The following RBFOX1 variants were observed in gnomAD, a reference collection of about 807,000 sequenced individuals.
RBFOX1 encodes the protein RNA binding protein fox-1 homolog 1.
RBFOX1 carries 8 observed loss-of-function variants against 57.7 expected under a neutral mutation model. The ratio of observed to expected loss-of-function variants is 0.14; its 90% CI spans 0.08 to 0.25. RBFOX1 has a LOEUF of 0.25. Among genes scored for constraint, RBFOX1 ranks in the 10% least tolerant of loss-of-function variants. The probability of loss-of-function intolerance (pLI) is 1.00; values close to 1 mark genes in which losing one functional copy is unlikely to be tolerated. For synonymous variants in RBFOX1, 326 were observed against 222.4 expected (o/e 1.47, Z -4.15); for missense variants, 611 against 548.5 (o/e 1.11, Z -1.14).
chr16:7,148,944 A>G (rs554073258), intron 4 of RBFOX1, among the ~76,000 whole-genome samples: 1 of 152,330 alleles, frequency 6.6e-6, no homozygotes, highest in Admixed American at 6.5e-5. Flanking sequence ...GATGCATTTC[A>G]TTTCAAGAAG....
At chr16:5,986,074 G>A (rs56849965) in intron 4 of RBFOX1, among the ~76,000 whole-genome samples, 2 of 103,838 alleles carry the variant, frequency 1.9e-5, no homozygotes, top group Non-Finnish European at 4.1e-5. Flanking sequence ...TTTTTTTTTT[G>A]TTTTCCAGAC....
intron 3 of RBFOX1, among the ~76,000 whole-genome samples, chr16:7,023,867 T>G (rs2040086368): frequency 6.6e-6 from 1 of 152,046 alleles, no homozygotes; most frequent in Non-Finnish European, 1.5e-5. Context: ...CTATATATAT[T>G]TCCCACAGGA....
intron 4 of RBFOX1, among the ~76,000 whole-genome samples, chr16:7,447,462 A>G (rs910340918): frequency 1.7e-4 from 25 of 149,358 alleles, no homozygotes; most frequent in Non-Finnish European, 2.5e-4. Flanking sequence ...AGAGATTCCA[A>G]TGAGATTCAA....
At chr16:5,763,476 C>T (rs1247923258) in intron 3 of RBFOX1, among the ~76,000 whole-genome samples, 1 of 152,240 alleles carries the variant, frequency 6.6e-6, no homozygotes, top group Non-Finnish European at 1.5e-5. Context: ...AGAAAAGCCC[C>T]TGGCCCAGGA....
chr16:5,711,069 A>T (rs1319555383), intron 3 of RBFOX1, among the ~76,000 whole-genome samples: 1 of 152,194 alleles, frequency 6.6e-6, no homozygotes, highest in Non-Finnish European at 1.5e-5. Context: ...GGAAGGGGAG[A>T]GAGTGAATAA....
At chr16:5,248,228 C>T (rs1488350386) in intron 1 of RBFOX1, among the ~76,000 whole-genome samples, 1 of 152,170 alleles carries the variant, frequency 6.6e-6, no homozygotes, top group African/African-American at 2.4e-5. Context: ...TTAACATTTC[C>T]CCCAAGTTTT....
At chr16:5,285,382 A>G (rs551775360) in intron 1 of RBFOX1, among the ~76,000 whole-genome samples, 26 of 152,040 alleles carry the variant, frequency 1.7e-4, no homozygotes, top group African/African-American at 5.8e-4. Flanking sequence ...TGTATTCATT[A>G]TCTGTGTTCT....
rs371277077 is a variant in RBFOX1 at position 6,049,357 on chromosome 16, A to T, written c.-127+29365A>T. Among the ~76,000 whole-genome samples, 6 of 152,264 alleles carry T rather than the reference A, an allele frequency of 3.9e-5. No individual in the cohort carries two copies. In the South Asian group the frequency reaches 1.0e-3, roughly 26 times the overall value. On this transcript the variant is annotated intron_variant, in intron 1 of 15. Coordinates refer to ENST00000550418, the MANE Select transcript of RBFOX1 (RefSeq NM_018723.4). ...AAAATTCTTTATTAAATAAAACTTA[A>T]AGCATATTTAAAAGTAGAGAGAATA...
At chr16:6,121,645 T>C (rs1251722799) in intron 1 of RBFOX1, among the ~76,000 whole-genome samples, 1 of 152,176 alleles carries the variant, frequency 6.6e-6, no homozygotes, top group Admixed American at 6.5e-5. Context: ...GGACATCTGT[T>C]CCTCTGGGAG....
chr16:6,378,608 C>A (rs2091465527), intron 2 of RBFOX1, among the ~76,000 whole-genome samples: 1 of 152,128 alleles, frequency 6.6e-6, no homozygotes, highest in South Asian at 2.1e-4. Flanking sequence ...GTCTCAGGGC[C>A]TTTGCAATGT....
intron 1 of RBFOX1, among the ~76,000 whole-genome samples, chr16:6,098,235 A>C (rs2096267469): frequency 6.6e-6 from 1 of 152,170 alleles, no homozygotes; most frequent in South Asian, 2.1e-4. Context: ...TTTATTTCAC[A>C]GATGGAGAGG....
chr16:7,706,887 C>G (rs2082625580), intron 14 of RBFOX1, among the ~76,000 whole-genome samples: 1 of 152,168 alleles, frequency 6.6e-6, no homozygotes, highest in African/African-American at 2.4e-5. Context: ...CAGGAGTGAG[C>G]TCTCTGAATA....
At chr16:5,705,086 T>C (rs575177345) in intron 3 of RBFOX1, among the ~76,000 whole-genome samples, 9 of 152,256 alleles carry the variant, frequency 5.9e-5, no homozygotes, top group East Asian at 5.8e-4. Context: ...TTGTATGTCA[T>C]TGAGGAGTAG....
intron 1 of RBFOX1, among the ~76,000 whole-genome samples, chr16:6,109,710 T>G (rs529394615): frequency 6.6e-6 from 1 of 152,292 alleles, no homozygotes; most frequent in African/African-American, 2.4e-5. Flanking sequence ...ATTACTTGAC[T>G]GGGGATAGTA....
Position 7,298,569 on chromosome 16 carries a change from G to A in RBFOX1, c.28-219578G>A, listed in dbSNP as rs534637473. Among the ~76,000 whole-genome samples the A allele has an allele frequency of 5.9e-5, 9 of 152,260 alleles. No homozygotes were observed. In the South Asian group the frequency reaches 1.9e-3, roughly 32 times the overall value. On this transcript the variant is annotated intron_variant, in intron 4 of 15. Transcript: ENST00000550418. Reference sequence around the variant, plus strand: ...GGCCTCCCAAAGTGCCGGGATTACAGGCATGAGCCAACATGCCCAGCCCAA... The same window carrying A: ...GGCCTCCCAAAGTGCCGGGATTACAAGCATGAGCCAACATGCCCAGCCCAA...
intron 4 of RBFOX1, among the ~76,000 whole-genome samples, chr16:5,895,423 ACT>A (rs1369692963): frequency 6.6e-6 from 1 of 152,144 alleles, no homozygotes; most frequent in Non-Finnish European, 1.5e-5. Context: ...TCATGGCTGG[ACT>A]CTCTAGTGAA....
chr16:5,424,981 TTC>T (rs373826926), intron 1 of RBFOX1, among the ~76,000 whole-genome samples: 6,360 of 35,860 alleles, frequency 0.18, 818 homozygotes, highest in East Asian at 0.28. Flanking sequence ...TTTCTTTCTT[TTC>T]TTTTCTTTTC....
At chr16:7,556,400 T>G (rs1022686549) in intron 5 of RBFOX1, among the ~76,000 whole-genome samples, 1 of 152,196 alleles carries the variant, frequency 6.6e-6, no homozygotes, top group Non-Finnish European at 1.5e-5. Context: ...TTTGAGTAAC[T>G]CAGATCCCTT....
intron 2 of RBFOX1, among the ~76,000 whole-genome samples, chr16:6,534,886 A>G (rs577756745): frequency 5.9e-5 from 9 of 152,322 alleles, no homozygotes; most frequent in Non-Finnish European, 1.2e-4. Flanking sequence ...GAAAAGTCCA[A>G]TGAGGCATAT....
Sources: gnomAD v4.1 joint callset for allele counts (sites outside exome capture counted in the v4.1 genomes callset) on GRCh38, gnomAD v4.1.1 for gene constraint, MANE v1.5 for transcripts, NCBI Gene and HGNC (gene_info 2026-07-23, HGNC 2026-07-21) for gene names.